FOCAD: variants seen among roughly 807,000 people sequenced by gnomAD.
FOCAD encodes focadhesin, also known as KIAA1797.
FOCAD carries 198 observed loss-of-function variants against 225.6 expected under a neutral mutation model. The ratio of observed to expected loss-of-function variants is 0.88; its 90% CI spans 0.78 to 0.99. FOCAD has a LOEUF of 0.99. FOCAD is among the 50% of genes least tolerant of loss of function. The pLI is 0.00. For missense variants in FOCAD, 2,713 were observed against 2,123.6 expected, an observed-to-expected ratio of 1.28 and a Z score of -5.46; for synonymous variants, 897 against 755.0, an observed-to-expected ratio of 1.19 and a Z score of -3.08.
intron 21 of FOCAD, among the ~76,000 whole-genome samples, chr9:20,892,468 G>T (rs1437057558): frequency 6.6e-6 from 1 of 152,112 alleles, no homozygotes; most frequent in Non-Finnish European, 1.5e-5. Flanking sequence ...ATAAGAAATT[G>T]ATTCCAGCCC....
intron 6 of FOCAD, among the ~76,000 whole-genome samples, chr9:20,762,147 G>C (rs1039519172): frequency 1.3e-5 from 2 of 152,188 alleles, no homozygotes; most frequent in Non-Finnish European, 2.9e-5. Context: ...CATGGATGCT[G>C]TTGACACCCG....
At chr9:20,950,929 A>T in intron 33 of FOCAD, 67 bp from the exon 34 acceptor site, 1 of 1,380,518 alleles carries the variant, frequency 7.2e-7, no homozygotes, top group Non-Finnish European at 1.0e-6. Flanking sequence ...ACTTTCTGTG[A>T]GTGACCTTTT....
At chr9:20,729,594 G>A (rs1361752146) in intron 4 of FOCAD, among the ~76,000 whole-genome samples, 1 of 152,162 alleles carries the variant, frequency 6.6e-6, no homozygotes, top group Non-Finnish European at 1.5e-5. Flanking sequence ...TCTTGATTGT[G>A]TGAGCATATG....
chr9:20,847,613 G>A (rs1035471264), intron 15 of FOCAD, among the ~76,000 whole-genome samples: 5 of 151,862 alleles, frequency 3.3e-5, no homozygotes, highest in Admixed American at 2.0e-4. Context: ...GGAAGGAGGG[G>A]CGATAATCAT....
intron 11 of FOCAD, among the ~76,000 whole-genome samples, chr9:20,793,257 A>G (rs1337538240): frequency 6.6e-6 from 1 of 152,210 alleles, no homozygotes; most frequent in Admixed American, 6.5e-5. Flanking sequence ...GAGAAGCACA[A>G]CTGAAATATA....
intron 16 of FOCAD, among the ~76,000 whole-genome samples, chr9:20,865,554 A>T (rs1829153395): frequency 2.6e-5 from 4 of 152,068 alleles, no homozygotes; most frequent in Admixed American, 2.6e-4. Flanking sequence ...TAGTCATGCT[A>T]GATGTGGAGG....
intron 1 of FOCAD, among the ~76,000 whole-genome samples, chr9:20,687,171 T>A (rs4977259): frequency 0.6 from 91,569 of 151,978 alleles, 28,056 homozygotes; most frequent in South Asian, 0.69. Context: ...CCATTGTTCA[T>A]GAAAGAAAAC....
intron 40 of FOCAD, 35 bp from the exon 41 acceptor site, chr9:20,988,297 C>A (rs759632848): frequency 1.5e-6 from 2 of 1,328,362 alleles, no homozygotes; most frequent in Non-Finnish European, 2.1e-6. Flanking sequence ...AAAGGAAAAC[C>A]ATGGTCTAGT....
In FOCAD at chr9:20,906,164, G is replaced by A. The variant is rs116960991; in HGVS notation, c.2626-986G>A. Among the ~76,000 whole-genome samples, 186 of 151,942 alleles carry A rather than the reference G, an allele frequency of 1.2e-3. 3 individuals carry two copies. In the East Asian group the frequency reaches 0.025, roughly 20 times the overall value. On this transcript the variant is annotated intron_variant, in intron 21 of 43. Coordinates refer to ENST00000338382, the MANE Select transcript of FOCAD (RefSeq NM_001375567.1). ...GACTGGGATTAAAGAACATACTAGA[G>A]GCCATGGGAACCAACTATATTCAGA...
chr9:20,980,504 A>T (rs201742668), intron 37 of FOCAD, among the ~76,000 whole-genome samples: 16 of 11,988 alleles, frequency 1.3e-3, no homozygotes, highest in African/African-American at 4.3e-3. Context: ...CTTGGTTAAT[A>T]AATTAAGTTT....
chr9:20,809,636 T>A (rs991476254), intron 11 of FOCAD, among the ~76,000 whole-genome samples: 16 of 152,184 alleles, frequency 1.1e-4, no homozygotes, highest in African/African-American at 3.9e-4. Context: ...TTACTTTTTG[T>A]CTATAGAAAC....
chr9:20,934,674 G>A (rs542603647), intron 28 of FOCAD, among the ~76,000 whole-genome samples: 5 of 152,238 alleles, frequency 3.3e-5, no homozygotes, highest in African/African-American at 1.2e-4. Flanking sequence ...CAGGTAATGT[G>A]ATGCCTCCAG....
chr9:20,961,946 T>G (rs1275441473), intron 35 of FOCAD, among the ~76,000 whole-genome samples: 2 of 152,226 alleles, frequency 1.3e-5, no homozygotes, highest in African/African-American at 2.4e-5. Context: ...GTCTGATGTA[T>G]CAGAATCATC....
At chr9:20,782,409 C>T (rs964101884) in intron 10 of FOCAD, among the ~76,000 whole-genome samples, 1 of 152,140 alleles carries the variant, frequency 6.6e-6, no homozygotes. Flanking sequence ...TAATGGCTCT[C>T]GATGTCCCCT....
rs1587492044 is a variant in FOCAD at position 20,881,423 on chromosome 9, A to G, written c.2318-448A>G. ...TTTATGCACAGTGAAAAGCAACTGG[A>G]AGGTGTTAGGGACAGGAATGACAAA... On this transcript the variant is annotated intron_variant, in intron 19 of 43. Transcript: ENST00000338382. Among the ~76,000 whole-genome samples the G allele has an allele frequency of 2.6e-5, 4 of 152,334 alleles. 1 individual carries two copies. The South Asian group carries it at 8.3e-4, about 32-fold the overall frequency.
At position 20,855,430 on chromosome 9, in the gene FOCAD, A is replaced by T. The variant is rs548877703; in HGVS notation, c.1921-7148A>T. Among the ~76,000 whole-genome samples, 885 of 151,588 alleles carry T rather than the reference A, an allele frequency of 5.8e-3. 8 individuals are homozygous for T. Among genetic ancestry groups the T allele is most frequent in the Non-Finnish European group, 0.01 (698 of 67,634 alleles). The stretch of plus-strand genomic sequence containing the variant: ...CTCTGAATAAGTAAATTGTTTTTTA[A>T]TTTTTATCATTTTCAATATTTAAAA... On this transcript the variant is annotated intron_variant, in intron 15 of 43. Coordinates refer to ENST00000338382, the MANE Select transcript of FOCAD (RefSeq NM_001375567.1).
At chr9:20,707,886 G>A (rs1343663393) in intron 1 of FOCAD, among the ~76,000 whole-genome samples, 1 of 152,202 alleles carries the variant, frequency 6.6e-6, no homozygotes, top group East Asian at 1.9e-4. Context: ...GTGTGAGCAG[G>A]TGTCAGGATT....
chr9:20,935,225 G>A (rs532541314), intron 28 of FOCAD, among the ~76,000 whole-genome samples: 2 of 152,080 alleles, frequency 1.3e-5, no homozygotes, highest in Non-Finnish European at 2.9e-5. Flanking sequence ...AAGCTTTCTT[G>A]TTCTGAAAAC....
rs1240409612 is a variant in FOCAD at position 20,781,723 on chromosome 9, A to C, written c.995-4A>C. ...AAAATGTGCATTATTGTTTTGATGA[A>C]TAGCTTTGAAGCTCCTCTCTGTTAC... On this transcript the variant is annotated splice_polypyrimidine_tract_variant and splice_region_variant and intron_variant, in intron 9 of 43. Transcript: ENST00000338382. 1 of 1,612,932 alleles carries C rather than the reference A, an allele frequency of 6.2e-7. No individual in the cohort carries two copies. The highest frequency in any genetic ancestry group is 8.5e-7 in the Non-Finnish European group (1 of 1,179,712).
Sources: allele counts gnomAD v4.1 joint callset (sites outside exome capture counted in the v4.1 genomes callset), GRCh38; gene constraint gnomAD v4.1.1; transcripts MANE v1.5; gene names NCBI Gene and HGNC (gene_info 2026-07-23, HGNC 2026-07-21).